Variants in PNPLA3 observed in about 807,000 individuals in gnomAD.
The protein encoded by PNPLA3 is patatin like domain 3, 1-acylglycerol-3-phosphate O-acyltransferase, also known as 1-acylglycerol-3-phosphate O-acyltransferase PNPLA3.
PNPLA3 carries 42 observed loss-of-function variants against 43.1 expected under a neutral mutation model. The ratio of observed to expected loss-of-function variants is 0.97; its 90% CI spans 0.76 to 1.26. The LOEUF is 1.26. Among genes scored for constraint, PNPLA3 ranks in the 50% most tolerant of loss-of-function variants. The pLI is 0.00. For synonymous variants in PNPLA3, 272 were observed against 253.6 expected (o/e 1.07, Z -0.69); for missense variants, 647 against 621.4 (o/e 1.04, Z -0.44).
At chr22:43,939,303 A>G (rs1424124774) in intron 6 of PNPLA3, 1 of 820,426 alleles carries the variant, frequency 1.2e-6, no homozygotes, top group Non-Finnish European at 1.5e-6. Context: ...TCTTTGCCTC[A>G]TGACTTACAC....
chr22:43,942,702 T>TTTC (rs10666800), intron 7 of PNPLA3, among the ~76,000 whole-genome samples: 12 of 74,856 alleles, frequency 1.6e-4, no homozygotes, highest in East Asian at 5.5e-4. Flanking sequence ...TTCTTTTTTC[T>TTTC]TTTTTTTTTT....
At chr22:43,926,211 C>T (rs961085970) in intron 1 of PNPLA3, among the ~76,000 whole-genome samples, 1 of 152,218 alleles carries the variant, frequency 6.6e-6, no homozygotes, top group Non-Finnish European at 1.5e-5. Flanking sequence ...CCTCTGGCCA[C>T]TCAGGGAAGG....
intron 7 of PNPLA3, among the ~76,000 whole-genome samples, chr22:43,944,255 T>C (rs368164538): frequency 6.6e-6 from 1 of 151,826 alleles, no homozygotes; most frequent in South Asian, 2.1e-4. Flanking sequence ...GAGGTGGGGG[T>C]CCTTTATGTG....
intron 1 of PNPLA3, 69 bp from the exon 2 acceptor site, chr22:43,926,864 TTC>T: frequency 7.4e-7 from 1 of 1,354,440 alleles, no homozygotes; most frequent in African/African-American, 1.4e-5. Context: ...GCTGTCTGGT[TTC>T]TGGCCTTGCC....
At position 43,933,065 on chromosome 22, in the gene PNPLA3, C is replaced by T; in HGVS notation, c.674C>T (p.Ala225Val). 6.2e-7 allele frequency: 1 copy of T among 1,613,882 alleles called. No homozygotes were observed. The highest frequency in any genetic ancestry group is 8.5e-7 in the Non-Finnish European group (1 of 1,180,020). ...GGGAACCTCTACCTTCTCTCGAGAG[C>T]TTTTGTCCCCCCGGATCTCAAGGTG... is the stretch of plus-strand genomic sequence containing the variant. The part of the protein sequence containing the change: ...CTGNLYLLSR[A>V]FVPPDLKVLG... The change falls in exon 4 of 9, where the codon GCT becomes GTT. Residue 225 changes from alanine (A) to valine (V), a missense_variant. Ala to Val is a moderately conservative substitution (Grantham distance 64). Coordinates refer to ENST00000216180, the MANE Select transcript of PNPLA3 (RefSeq NM_025225.3).
chr22:43,926,439 A>G (rs144219383), intron 1 of PNPLA3, among the ~76,000 whole-genome samples: 1 of 152,152 alleles, frequency 6.6e-6, no homozygotes, highest in South Asian at 2.1e-4. Context: ...TCTAATGCTG[A>G]TATGTTCCTG....
At position 43,944,801 on chromosome 22, in the gene PNPLA3, T is replaced by C. The variant is rs2050052766; in HGVS notation, c.1217+6T>C. ...TGTCTGCTCCCCGCCTCCAGGTAAA[T>C]ACTTTGGCTGTGGGTGTGTGGGCCG... is the stretch of plus-strand genomic sequence containing the variant. On this transcript the variant is annotated splice_donor_region_variant and intron_variant, in intron 8 of 8. Transcript: ENST00000216180. The C allele has an allele frequency of 1.2e-6, 2 of 1,613,406 alleles. No individual in the cohort carries two copies.
chr22:43,933,031 C>G lies in PNPLA3; in HGVS notation c.640C>G (p.Leu214Val). The change falls in exon 4 of 9, where the codon CTC (leucine) becomes GTC (valine). Residue 214 changes from leucine (L) to valine (V), a missense_variant. By Grantham distance (32) the Leu-to-Val change is conservative (BLOSUM62 1). Coordinates refer to ENST00000216180, the MANE Select transcript of PNPLA3 (RefSeq NM_025225.3). ...HVDITKLSLR[L>V]CTGNLYLLSR... The stretch of plus-strand genomic sequence containing the variant: ...GGACATCACCAAGCTCAGTCTACGC[C>G]TCTGCACAGGGAACCTCTACCTTCT... 1 of 1,614,186 alleles carries G rather than the reference C, an allele frequency of 6.2e-7. No homozygotes were observed. The highest frequency in any genetic ancestry group is 8.5e-7 in the Non-Finnish European group (1 of 1,180,032).
chr22:43,944,456 T>C (rs1408849141), intron 7 of PNPLA3, among the ~76,000 whole-genome samples: 4 of 152,132 alleles, frequency 2.6e-5, no homozygotes, highest in African/African-American at 4.8e-5. Flanking sequence ...CCAAGGTGTT[T>C]TTTTTTCCCT....
rs780726605 is a variant in PNPLA3 at position 43,946,220 on chromosome 22, G to A, written c.1284G>A (p.Trp428Ter). 6.2e-7 allele frequency: 1 copy of A among 1,614,164 alleles called. No homozygotes were observed. The change falls in exon 9 of 9, where the codon TGG becomes TGA. Residue 428 changes from tryptophan to a stop codon, truncating the protein, a stop_gained. Transcript: ENST00000216180. LOFTEE classifies it low-confidence loss of function (END_TRUNC). ...CACCTGAGCAGGACTGGCCCTGCTG[G>A]ACTCCCTGCTCCCCCAAGGGCTGTC... ...PCTPEQDWPC[W>*]TPCSPKGCPA...
In PNPLA3 at chr22:43,923,926, G is replaced by T. The variant is rs745357386; in HGVS notation, c.15G>T (p.Glu5Asp). 1.6e-5 allele frequency: 25 copies of T among 1,569,430 alleles called. No homozygotes were observed. The highest frequency in any genetic ancestry group is 2.0e-5 in the Non-Finnish European group (23 of 1,166,682). Residue 5 changes from glutamate to aspartate, a missense_variant, in exon 1 of 9, where the codon GAG becomes GAT. Transcript: ENST00000216180. MYDA[E>D]RGWSLSFAGC... ...CCGCCGCCGCCATGTACGACGCAGA[G>T]CGCGGCTGGAGCTTGTCCTTCGCGG...
At chr22:43,934,265 C>G (rs1458899536) in intron 4 of PNPLA3, among the ~76,000 whole-genome samples, 1 of 149,966 alleles carries the variant, frequency 6.7e-6, no homozygotes, top group African/African-American at 2.5e-5. Flanking sequence ...GGCCGTTAGC[C>G]GAGATCACGC....
chr22:43,933,010 A>G lies in PNPLA3; in HGVS notation c.619A>G (p.Ile207Val). The G allele has an allele frequency of 6.2e-7, 1 of 1,614,180 alleles. No individual in the cohort carries two copies. The highest frequency in any genetic ancestry group is 8.5e-7 in the Non-Finnish European group (1 of 1,180,022). The change falls in exon 4 of 9, where the codon ATC becomes GTC. Residue 207 changes from isoleucine to valine, a missense_variant. Coordinates refer to ENST00000216180, the MANE Select transcript of PNPLA3 (RefSeq NM_025225.3). ...VKSTNFLHVD[I>V]TKLSLRLCTG... ...GTCCACGAACTTTCTTCATGTGGAC[A>G]TCACCAAGCTCAGTCTACGCCTCTG...
chr22:43,946,982 G>A lies in PNPLA3; in HGVS notation c.*600G>A, dbSNP rs1312640744. 3.5e-6 allele frequency: 1 copy of A among 282,086 alleles called. No homozygotes were observed. Among genetic ancestry groups the A allele is most frequent in the Non-Finnish European group, 6.9e-6 (1 of 144,534 alleles). 17.5% of individuals were successfully genotyped at this position (282,086 alleles called of 1,614,324 possible). A position where few individuals can be genotyped will look rare whatever the true frequency, so the allele number is the denominator to read the frequency against. On this transcript the variant is annotated 3_prime_UTR_variant, in exon 9 of 9. Coordinates refer to ENST00000216180, the MANE Select transcript of PNPLA3 (RefSeq NM_025225.3). Reference sequence around the variant, plus strand: ...ACTAAAATAATGTTTAAAGAGTTTTGTATAAAAATGTAAGGAAGCGTTGTT... The same window carrying A: ...ACTAAAATAATGTTTAAAGAGTTTTATATAAAAATGTAAGGAAGCGTTGTT...
intron 3 of PNPLA3, among the ~76,000 whole-genome samples, chr22:43,930,106 A>G (rs1446267229): frequency 6.6e-6 from 1 of 152,150 alleles, no homozygotes; most frequent in Non-Finnish European, 1.5e-5. Flanking sequence ...GCCACGTGGC[A>G]GAGGGACTCG....
Position 43,934,799 on chromosome 22 carries a change from A to G in PNPLA3, c.757+133A>G, listed in dbSNP as rs114633345. 1.2e-3 allele frequency: 961 copies of G among 813,156 alleles called. 4 individuals carry two copies. In the African/African-American group the frequency reaches 0.013, roughly 11 times the overall value. The allele number at this position is 813,156 out of a possible 1,614,324, so 50.4% of individuals were successfully genotyped here. ...CTTCCTTGTGTTGCTCAACCTACTC[A>G]TGAGCCCAGGAGATAGGAAATCTCC... On this transcript the variant is annotated intron_variant, in intron 5 of 8. Transcript: ENST00000216180.
chr22:43,933,059 C>T lies in PNPLA3; in HGVS notation c.668C>T (p.Ser223Leu), dbSNP rs199539260. ...TGCACAGGGAACCTCTACCTTCTCT[C>T]GAGAGCTTTTGTCCCCCCGGATCTC... ...RLCTGNLYLL[S>L]RAFVPPDLKV... The change falls in exon 4 of 9, where the codon TCG (serine) becomes TTG (leucine). Residue 223 changes from serine to leucine, a missense_variant. By Grantham distance (145) the Ser-to-Leu change is moderately radical. Transcript: ENST00000216180. The T allele has an allele frequency of 8.7e-6, 14 of 1,613,992 alleles. No individual in the cohort carries two copies. Among genetic ancestry groups the T allele is most frequent in the South Asian group, 1.1e-5 (1 of 91,068 alleles).
At chr22:43,928,645 G>T (rs1410804612) in intron 2 of PNPLA3, among the ~76,000 whole-genome samples, 179 bp from the exon 3 acceptor site, 1 of 137,208 alleles carries the variant, frequency 7.3e-6, no homozygotes, top group Non-Finnish European at 1.7e-5. Context: ...TGAGACCCAT[G>T]GGCCTGAAGT....
intron 2 of PNPLA3, among the ~76,000 whole-genome samples, chr22:43,928,565 ACT>A (rs1479545753): frequency 6.6e-6 from 1 of 151,196 alleles, no homozygotes; most frequent in Non-Finnish European, 1.5e-5. Context: ...ACCCAGTGTG[ACT>A]CTCATGGGGA....
Sources: allele counts gnomAD v4.1 joint callset (sites outside exome capture counted in the v4.1 genomes callset), GRCh38; gene constraint gnomAD v4.1.1; transcripts MANE v1.5; gene names NCBI Gene and HGNC (gene_info 2026-07-23, HGNC 2026-07-21).